The following CTNND2 variants were observed in gnomAD, a reference collection of about 807,000 sequenced individuals.
The protein encoded by CTNND2 is catenin delta 2.
CTNND2 carries 22 observed loss-of-function variants against 144.4 expected under a neutral mutation model. That is an observed-to-expected ratio of 0.15 (90% CI 0.11 to 0.22). The LOEUF (loss-of-function observed/expected upper bound fraction) is 0.22. Ranked by LOEUF, CTNND2 falls within the 10% of genes least tolerant of loss-of-function variation. CTNND2 has a pLI of 1.00. For synonymous variants in CTNND2, 751 were observed against 695.6 expected (o/e 1.08, Z -1.25); for missense variants, 1,353 against 1,618.8 (o/e 0.84, Z 2.82).
At chr5:11,370,651 T>C (rs1757391597) in intron 7 of CTNND2, among the ~76,000 whole-genome samples, 1 of 152,240 alleles carries the variant, frequency 6.6e-6, no homozygotes, top group Admixed American at 6.5e-5. Flanking sequence ...TAATGCAAAT[T>C]CACCTGCCTT....
chr5:11,125,471 G>A (rs754498376), intron 12 of CTNND2, among the ~76,000 whole-genome samples: 6 of 152,204 alleles, frequency 3.9e-5, no homozygotes, highest in Non-Finnish European at 7.3e-5. Flanking sequence ...CTCCTCATCC[G>A]GGAGGTGCTG....
chr5:11,067,959 A>T (rs1747790607), intron 16 of CTNND2, among the ~76,000 whole-genome samples: 1 of 152,182 alleles, frequency 6.6e-6, no homozygotes, highest in Admixed American at 6.5e-5. Flanking sequence ...GACTCTAGGG[A>T]TCAATGACAT....
chr5:11,494,381 G>A lies in CTNND2; in HGVS notation c.287+70563C>T, dbSNP rs112009249. ...GTTTTACCAATCACTTACTGCATTC[G>A]TCTGTTTACAAAAAAAGAGAGTGAT... is the stretch of plus-strand genomic sequence containing the variant. On this transcript the variant is annotated intron_variant, in intron 3 of 21. Transcript: ENST00000304623. Among the ~76,000 whole-genome samples, 788 of 151,990 alleles carry A rather than the reference G, an allele frequency of 5.2e-3. 6 individuals are homozygous for A. Among genetic ancestry groups the A allele is most frequent in the African/African-American group, 0.018 (763 of 41,462 alleles).
At chr5:11,833,146 G>C (rs1793996313) in intron 1 of CTNND2, among the ~76,000 whole-genome samples, 1 of 152,094 alleles carries the variant, frequency 6.6e-6, no homozygotes, top group South Asian at 2.1e-4. Flanking sequence ...GCATTTACGT[G>C]AGAAACAAAA....
At position 10,973,609 on chromosome 5, in the gene CTNND2, G is replaced by A; in HGVS notation, c.3522C>T (p.Asp1174=). Residue 1174 remains aspartate, a synonymous_variant, in exon 22 of 22, where the codon GAC becomes GAT. Coordinates refer to ENST00000304623, the MANE Select transcript of CTNND2 (RefSeq NM_001332.4). The surrounding 1 kb of genome is among the most constrained non-coding windows in gnomAD (Gnocchi z 5.6). ...TRNYDESFFE[D]QVHHRPPASE... ...TGGCGGGAGGGCGATGGTGGACCTG[G>A]TCCTCGAAGAAGGACTCATCGTAAT... The A allele has an allele frequency of 6.2e-7, 1 of 1,614,186 alleles. No homozygotes were observed. Among genetic ancestry groups the A allele is most frequent in the Non-Finnish European group, 8.5e-7 (1 of 1,180,026 alleles).
chr5:10,994,869 G>A (rs1024570946), intron 18 of CTNND2, among the ~76,000 whole-genome samples: 5 of 152,178 alleles, frequency 3.3e-5, no homozygotes, highest in African/African-American at 1.2e-4. Context: ...TGGGAAGCGT[G>A]CAGATCTGGT....
chr5:11,770,459 G>GGAAGGAAGGAAGGAAGGAAGGAAC (rs1561781682), intron 1 of CTNND2, among the ~76,000 whole-genome samples: 5 of 140,458 alleles, frequency 3.6e-5, no homozygotes, highest in African/African-American at 1.5e-4. Flanking sequence ...AAGGAAGGAA[G>GGAAGGAAGGAAGGAAGGAAGGAAC]GAAGGGGTAG....
chr5:11,111,933 G>A (rs1225208145), intron 13 of CTNND2, among the ~76,000 whole-genome samples: 14 of 150,322 alleles, frequency 9.3e-5, no homozygotes, highest in Admixed American at 2.7e-4. Context: ...TGCAAGCTCC[G>A]CCTCCCAGGT....
chr5:11,674,866 C>G (rs1448913109), intron 2 of CTNND2, among the ~76,000 whole-genome samples: 2 of 152,168 alleles, frequency 1.3e-5, no homozygotes, highest in Non-Finnish European at 2.9e-5. Context: ...GCTGGGATTA[C>G]AGGCACATGC....
intron 9 of CTNND2, among the ~76,000 whole-genome samples, chr5:11,326,870 C>G (rs531163433): frequency 6.6e-6 from 1 of 152,266 alleles, no homozygotes; most frequent in South Asian, 2.1e-4. Context: ...GGTGGGGGCA[C>G]AGCTGGGATT....
chr5:11,040,085 A>G (rs75269673), intron 16 of CTNND2, among the ~76,000 whole-genome samples: 2 of 151,738 alleles, frequency 1.3e-5, no homozygotes, highest in Non-Finnish European at 2.9e-5. Flanking sequence ...AACAAAAAAA[A>G]CTCCGAAAAA....
At chr5:11,316,523 G>A (rs2150061207) in intron 9 of CTNND2, among the ~76,000 whole-genome samples, 1 of 147,912 alleles carries the variant, frequency 6.8e-6, no homozygotes, top group Admixed American at 6.8e-5. Flanking sequence ...TAAGTTTTAG[G>A]GTACATGTGC....
At chr5:11,304,885 G>A (rs751272508) in intron 9 of CTNND2, among the ~76,000 whole-genome samples, 7 of 152,192 alleles carry the variant, frequency 4.6e-5, no homozygotes, top group Admixed American at 6.5e-5. Context: ...AGCTCAATGC[G>A]GAAAAGAACC....
At chr5:11,046,061 T>A (rs1697905) in intron 16 of CTNND2, among the ~76,000 whole-genome samples, 83,460 of 151,740 alleles carry the variant, frequency 0.55, 23,528 homozygotes, top group Non-Finnish European at 0.64. Flanking sequence ...TGGAAACGGG[T>A]ATGCTGCCGG....
chr5:11,744,689 G>T (rs1390123762), intron 1 of CTNND2, among the ~76,000 whole-genome samples: 1 of 146,346 alleles, frequency 6.8e-6, no homozygotes, highest in African/African-American at 2.7e-5. Flanking sequence ...GTGTGTTTGT[G>T]TGTGTGCGTG....
rs1735964199 is a variant in CTNND2, at chr5:10,972,716, T to G, written c.*737A>C. The stretch of plus-strand genomic sequence containing the variant: ...GAAACTGCTGAATGCCTTGTTTAGT[T>G]GTCACAAACAAATTCACATATCAGA... On this transcript the variant is annotated 3_prime_UTR_variant, in exon 22 of 22. Coordinates refer to ENST00000304623, the MANE Select transcript of CTNND2 (RefSeq NM_001332.4). 1 of 152,600 alleles carries G rather than the reference T, an allele frequency of 6.6e-6. No individual in the cohort carries two copies. The highest frequency in any genetic ancestry group is 6.5e-5 in the Admixed American group (1 of 15,282). The allele number at this position is 152,600 out of a possible 1,614,324, so 9.5% of individuals were successfully genotyped here.
At chr5:11,276,396 A>G (rs114090263) in intron 9 of CTNND2, among the ~76,000 whole-genome samples, 2,221 of 152,194 alleles carry the variant, frequency 0.015, 58 homozygotes, top group African/African-American at 0.051. Flanking sequence ...CTGAAAACCC[A>G]ACTCTCCTGG....
chr5:11,435,332 T>C (rs31819), intron 3 of CTNND2, among the ~76,000 whole-genome samples: 35,341 of 151,452 alleles, frequency 0.23, 8,120 homozygotes, highest in African/African-American at 0.6. Context: ...TTAGTAGAGA[T>C]GGGGTTTCAC....
At chr5:11,590,208 G>A (rs1779144024) in intron 2 of CTNND2, among the ~76,000 whole-genome samples, 1 of 151,958 alleles carries the variant, frequency 6.6e-6, no homozygotes, top group South Asian at 2.1e-4. Flanking sequence ...ACCAGGCCCG[G>A]GTAATTTTTT....
Sources: gnomAD v4.1 joint callset for allele counts (sites outside exome capture counted in the v4.1 genomes callset) on GRCh38, gnomAD v4.1.1 for gene constraint, Gnocchi (gnomAD v3.1) non-coding constraint, MANE v1.5 for transcripts, NCBI Gene and HGNC (gene_info 2026-07-23, HGNC 2026-07-21) for gene names.